Variants in B3GALT1 observed in about 807,000 individuals in gnomAD.
B3GALT1 encodes the protein UDP-Gal:betaGlcNAc beta 1,3-galactosyltransferase, polypeptide 1.
B3GALT1 carries 10 observed loss-of-function variants against 23.2 expected under a neutral mutation model. The ratio of observed to expected loss-of-function variants is 0.43; its 90% CI spans 0.27 to 0.73. The LOEUF (loss-of-function observed/expected upper bound fraction) is 0.73, where lower values mean the gene tolerates loss of function less well. Among genes scored for constraint, B3GALT1 ranks in the 30% least tolerant of loss-of-function variants. The probability of loss-of-function intolerance (pLI) is 0.21; values close to 1 mark genes in which losing one functional copy is unlikely to be tolerated. For missense variants in B3GALT1, 299 were observed against 405.4 expected, an observed-to-expected ratio of 0.74 and a Z score of 2.25; for synonymous variants, 156 against 141.5, an observed-to-expected ratio of 1.10 and a Z score of -0.73.
chr2:167,803,549 A>T (rs369303640), intron 3 of B3GALT1, among the ~76,000 whole-genome samples: 1 of 152,164 alleles, frequency 6.6e-6, no homozygotes, highest in South Asian at 2.1e-4. Context: ...AGGCATCTGC[A>T]GTCTTCCAGG....
intron 2 of B3GALT1, among the ~76,000 whole-genome samples, chr2:167,543,260 A>G (rs1367350479): frequency 1.3e-5 from 2 of 152,156 alleles, no homozygotes; most frequent in African/African-American, 4.8e-5. Flanking sequence ...TAGTCAATTT[A>G]ATATTTGTTT....
chr2:167,435,201 T>C (rs900520159), intron 1 of B3GALT1, among the ~76,000 whole-genome samples: 3 of 151,804 alleles, frequency 2.0e-5, no homozygotes, highest in Admixed American at 6.6e-5. Flanking sequence ...TACAACAACC[T>C]TTGCTTGATA....
chr2:167,592,785 T>C (rs968213000), intron 2 of B3GALT1, among the ~76,000 whole-genome samples: 1 of 152,172 alleles, frequency 6.6e-6, no homozygotes, highest in African/African-American at 2.4e-5. Context: ...AGGAGCATGG[T>C]TAATCTTATC....
intron 2 of B3GALT1, among the ~76,000 whole-genome samples, chr2:167,633,220 C>T (rs1685482345): frequency 2.0e-5 from 3 of 151,934 alleles, no homozygotes; most frequent in African/African-American, 4.8e-5. Context: ...AGAGCAACCT[C>T]AAGACACATA....
intron 4 of B3GALT1, among the ~76,000 whole-genome samples, chr2:167,838,643 T>C (rs376462990): frequency 5.9e-5 from 9 of 152,242 alleles, no homozygotes; most frequent in African/African-American, 1.4e-4. Context: ...TTCCAATCAA[T>C]AGAAAAAGAG....
intron 3 of B3GALT1, among the ~76,000 whole-genome samples, chr2:167,818,121 C>G (rs1239297338): frequency 6.6e-6 from 1 of 152,152 alleles, no homozygotes; most frequent in Non-Finnish European, 1.5e-5. Context: ...CAATCCTGAC[C>G]CCTCACGTGG....
At chr2:167,865,890 G>A (rs1690205943) in intron 4 of B3GALT1, among the ~76,000 whole-genome samples, 1 of 152,168 alleles carries the variant, frequency 6.6e-6, no homozygotes, top group African/African-American at 2.4e-5. Context: ...AGATTTCACA[G>A]ATGGGTAACT....
intron 3 of B3GALT1, among the ~76,000 whole-genome samples, chr2:167,777,623 C>T (rs543955135): frequency 1.2e-4 from 19 of 152,330 alleles, no homozygotes; most frequent in African/African-American, 4.6e-4. Flanking sequence ...GCTAGGATTA[C>T]AGGCATGAGC....
intron 1 of B3GALT1, among the ~76,000 whole-genome samples, chr2:167,300,304 A>C (rs1178202570): frequency 6.6e-6 from 1 of 152,258 alleles, no homozygotes; most frequent in Non-Finnish European, 1.5e-5. Flanking sequence ...AAGCTATTAA[A>C]ATTCAAAAGC....
intron 1 of B3GALT1, among the ~76,000 whole-genome samples, chr2:167,473,599 GTTCTT>G (rs1418221237): frequency 6.6e-6 from 1 of 152,050 alleles, no homozygotes; most frequent in African/African-American, 2.4e-5. Flanking sequence ...TGGAGCCAAG[GTTCTT>G]TTCTTAGTTT....
At chr2:167,577,830 TTAACC>T (rs78292836) in intron 2 of B3GALT1, among the ~76,000 whole-genome samples, 16,296 of 151,704 alleles carry the variant, frequency 0.11, 1,875 homozygotes, top group African/African-American at 0.28. Flanking sequence ...ATTACTAAAA[TTAACC>T]TAGCTACTCT....
intron 1 of B3GALT1, among the ~76,000 whole-genome samples, chr2:167,395,988 C>A (rs1420736168): frequency 6.6e-6 from 1 of 152,090 alleles, no homozygotes; most frequent in Non-Finnish European, 1.5e-5. Context: ...TATTTTCTCA[C>A]TGGTGCCCCT....
chr2:167,609,766 C>T (rs1042776907), intron 2 of B3GALT1, among the ~76,000 whole-genome samples: 10 of 152,114 alleles, frequency 6.6e-5, no homozygotes, highest in African/African-American at 2.4e-4. Context: ...ACAGAAAGAT[C>T]AATTCCCCTA....
intron 1 of B3GALT1, among the ~76,000 whole-genome samples, chr2:167,344,509 T>C (rs1697198493): frequency 6.6e-6 from 1 of 152,148 alleles, no homozygotes; most frequent in African/African-American, 2.4e-5. Context: ...TTTGTGTAAC[T>C]CTTCTTGGGA....
At chr2:167,692,678 T>C (rs1158993673) in intron 3 of B3GALT1, among the ~76,000 whole-genome samples, 1 of 152,144 alleles carries the variant, frequency 6.6e-6, no homozygotes, top group Non-Finnish European at 1.5e-5. Context: ...TGGGCTTGGA[T>C]ATATTTCTGA....
At chr2:167,643,924 G>T (rs1685698725) in intron 2 of B3GALT1, among the ~76,000 whole-genome samples, 1 of 152,176 alleles carries the variant, frequency 6.6e-6, no homozygotes, top group African/African-American at 2.4e-5. Context: ...AAGCTGTTTG[G>T]AATTGTCTTG....
intron 3 of B3GALT1, among the ~76,000 whole-genome samples, chr2:167,770,419 A>G (rs988077759): frequency 1.3e-5 from 2 of 152,198 alleles, no homozygotes; most frequent in African/African-American, 4.8e-5. Flanking sequence ...CCATTTGTAT[A>G]TTCTTTTTGG....
chr2:167,663,666 G>T (rs1361431186), intron 3 of B3GALT1, among the ~76,000 whole-genome samples: 1 of 150,326 alleles, frequency 6.7e-6, no homozygotes, highest in Admixed American at 6.6e-5. Flanking sequence ...ACTGTTGTGA[G>T]ATGGTATCTC....
At chr2:167,399,082 A>G (rs899301081) in intron 1 of B3GALT1, among the ~76,000 whole-genome samples, 2 of 152,178 alleles carry the variant, frequency 1.3e-5, no homozygotes. Flanking sequence ...TACAGCCATT[A>G]CAGGGCAGCT....
Sources: gnomAD v4.1 joint callset for allele counts (sites outside exome capture counted in the v4.1 genomes callset) on GRCh38, gnomAD v4.1.1 for gene constraint, MANE v1.5 for transcripts, NCBI Gene and HGNC (gene_info 2026-07-23, HGNC 2026-07-21) for gene names.